Variants in XRCC5 observed in about 807,000 individuals in gnomAD.
The protein encoded by XRCC5 is DNA repair protein Ku80.
A neutral mutation model predicts 95.7 loss-of-function variants in XRCC5; 12 were observed. That is an observed-to-expected ratio of 0.13 (90% confidence interval 0.08 to 0.20). The LOEUF (loss-of-function observed/expected upper bound fraction) is 0.20. XRCC5 is among the 10% of genes least tolerant of loss of function. The pLI is 1.00. For synonymous variants in XRCC5, 281 were observed against 290.3 expected, an observed-to-expected ratio of 0.97 and a Z score of 0.33; for missense variants, 595 against 873.9, an observed-to-expected ratio of 0.68 and a Z score of 4.02.
chr2:216,152,930 A>G (rs747324130), intron 14 of XRCC5, among the ~76,000 whole-genome samples: 7 of 151,972 alleles, frequency 4.6e-5, no homozygotes, highest in South Asian at 2.1e-4. Context: ...CTGTATTTTT[A>G]GCTTCTCCCT....
At chr2:216,153,952 A>T (rs1464127985) in intron 14 of XRCC5, among the ~76,000 whole-genome samples, 1 of 152,148 alleles carries the variant, frequency 6.6e-6, no homozygotes, top group Non-Finnish European at 1.5e-5. Flanking sequence ...GCTCCTTTCC[A>T]ACCCCTCTTC....
At chr2:216,163,631 C>A (rs1008922827) in intron 16 of XRCC5, among the ~76,000 whole-genome samples, 3 of 152,102 alleles carry the variant, frequency 2.0e-5, no homozygotes, top group African/African-American at 7.2e-5. Context: ...CCTAGAAGCA[C>A]TACTGCCTGC....
intron 12 of XRCC5, among the ~76,000 whole-genome samples, chr2:216,140,628 A>C (rs1195219967): frequency 6.6e-6 from 1 of 152,204 alleles, no homozygotes; most frequent in African/African-American, 2.4e-5. Context: ...GAGTAGTGTC[A>C]TGGAGGCATT....
chr2:216,182,099 G>A (rs945113556), intron 16 of XRCC5, among the ~76,000 whole-genome samples: 1 of 152,136 alleles, frequency 6.6e-6, no homozygotes, highest in Non-Finnish European at 1.5e-5. Flanking sequence ...CATCCTAGAA[G>A]ACTTGTGTGC....
At chr2:216,126,918 T>C (rs1696908315) in intron 7 of XRCC5, among the ~76,000 whole-genome samples, 1 of 152,176 alleles carries the variant, frequency 6.6e-6, no homozygotes, top group Non-Finnish European at 1.5e-5. Flanking sequence ...TTTTTTTTTT[T>C]TCTATTGGAA....
chr2:216,156,358 G>A, intron 14 of XRCC5: 1 of 705,126 alleles, frequency 1.4e-6, no homozygotes, highest in Non-Finnish European at 2.7e-6. Flanking sequence ...CTCTTCTGCT[G>A]TTGTGGGGTC....
rs750601132 is a variant in XRCC5, at chr2:216,148,063, A to G, written c.1477-20A>G. ...TATATGTCTCCATCTGTGTTTTAAA[A>G]TCCTTACTTTTTCCAACAGTGTCTG... On this transcript the variant is annotated intron_variant, in intron 13 of 20. Coordinates refer to ENST00000392132, the MANE Select transcript of XRCC5 (RefSeq NM_021141.4). 22 of 1,594,506 alleles carry G rather than the reference A, an allele frequency of 1.4e-5. No individual in the cohort carries two copies. In the South Asian group the frequency reaches 2.4e-4, roughly 18 times the overall value.
At chr2:216,115,430 G>A (rs563712408) in intron 2 of XRCC5, among the ~76,000 whole-genome samples, 2 of 152,294 alleles carry the variant, frequency 1.3e-5, no homozygotes, top group East Asian at 3.9e-4. Flanking sequence ...CTTGCCTTAA[G>A]ATGGATGCTT....
rs1160505021 is a variant in XRCC5, at chr2:216,205,439, T to A, written c.*237T>A. On this transcript the variant is annotated 3_prime_UTR_variant, in exon 21 of 21. Transcript: ENST00000392132. ...AGTCATTGTTATTTTCTGGTTGGTGTATTATTTTTTCTGTGGTCTTACTGA... is the reference window on the plus strand; with the variant it reads ...AGTCATTGTTATTTTCTGGTTGGTGAATTATTTTTTCTGTGGTCTTACTGA... 1.8e-6 allele frequency: 1 copy of A among 543,800 alleles called. No homozygotes were observed. The highest frequency in any genetic ancestry group is 3.3e-6 in the Non-Finnish European group (1 of 305,908). 33.7% of individuals were successfully genotyped at this position (543,800 alleles called of 1,614,324 possible). A position where few individuals can be genotyped will look rare whatever the true frequency, so the allele number is the denominator to read the frequency against.
intron 4 of XRCC5, 147 bp downstream of exon 4, chr2:216,117,941 G>C: frequency 2.5e-6 from 2 of 791,068 alleles, no homozygotes; most frequent in East Asian, 2.7e-5. Flanking sequence ...GAATGGTTCA[G>C]TCCAACCTCT....
chr2:216,154,130 A>C (rs1426979602), intron 14 of XRCC5, among the ~76,000 whole-genome samples: 7 of 152,196 alleles, frequency 4.6e-5, no homozygotes, highest in Non-Finnish European at 8.8e-5. Context: ...TTTGGGGTCG[A>C]ATTTGGAGCT....
chr2:216,192,138 A>C (rs1689625122), intron 17 of XRCC5, among the ~76,000 whole-genome samples: 1 of 152,094 alleles, frequency 6.6e-6, no homozygotes, highest in Non-Finnish European at 1.5e-5. Flanking sequence ...AGCTGGGAAT[A>C]CATGCGCCTG....
intron 13 of XRCC5, among the ~76,000 whole-genome samples, chr2:216,141,628 C>T (rs1697174309): frequency 7.4e-6 from 1 of 134,430 alleles, no homozygotes; most frequent in Non-Finnish European, 1.5e-5. Context: ...TGCTGGAGTG[C>T]AGTGTTGTGA....
intron 2 of XRCC5, 103 bp downstream of exon 2, chr2:216,113,232 C>G: frequency 2.2e-6 from 2 of 922,728 alleles, no homozygotes; most frequent in Non-Finnish European, 3.3e-6. Flanking sequence ...TCCAGCCCCT[C>G]TGTTTGGGGG....
intron 16 of XRCC5, 100 bp downstream of exon 16, chr2:216,162,148 A>G: frequency 8.7e-7 from 1 of 1,154,250 alleles, no homozygotes; most frequent in Non-Finnish European, 1.3e-6. Flanking sequence ...ACACTTTAGC[A>G]TTTTTCTTTA....
At chr2:216,179,090 C>A (rs1010942286) in intron 16 of XRCC5, among the ~76,000 whole-genome samples, 3 of 152,178 alleles carry the variant, frequency 2.0e-5, no homozygotes, top group Non-Finnish European at 4.4e-5. Flanking sequence ...GGAAGTTTAT[C>A]CTTGCAGTTC....
chr2:216,117,884 TAATC>T lies in XRCC5; in HGVS notation c.368+93_368+96del, dbSNP rs538581577. The T allele has an allele frequency of 4.4e-4, 574 of 1,292,458 alleles. 4 individuals carry two copies. In the African/African-American group the frequency reaches 6.9e-3, roughly 16 times the overall value. The allele number at this position is 1,292,458 out of a possible 1,614,324, so 80.1% of individuals were successfully genotyped here. On this transcript the variant is annotated intron_variant, in intron 4 of 20. Transcript: ENST00000392132. ...TTGAATGTATTTTGTGATTCATTGT[TAATC>T]AAGCTGCATGTTTGTGTGACAAGAG... is the stretch of plus-strand genomic sequence containing the variant.
At chr2:216,114,478 G>A (rs1574449181) in intron 2 of XRCC5, among the ~76,000 whole-genome samples, 1 of 152,206 alleles carries the variant, frequency 6.6e-6, no homozygotes, top group East Asian at 1.9e-4. Context: ...CTGGTATGCT[G>A]TTAGAGAAGG....
chr2:216,137,027 G>A (rs1697094200), intron 10 of XRCC5, 61 bp from the exon 11 acceptor site: 1 of 1,567,172 alleles, frequency 6.4e-7, no homozygotes, highest in Non-Finnish European at 8.6e-7. Context: ...AAAGTATTGA[G>A]TTCTGTTGTG....
Sources: allele counts gnomAD v4.1 joint callset (sites outside exome capture counted in the v4.1 genomes callset), GRCh38; gene constraint gnomAD v4.1.1; transcripts MANE v1.5; gene names NCBI Gene and HGNC (gene_info 2026-07-23, HGNC 2026-07-21).